MAGI1: variants seen among roughly 807,000 people sequenced by gnomAD.
MAGI1 encodes membrane associated guanylate kinase, WW and PDZ domain containing 1, also known as membrane-associated guanylate kinase, WW and PDZ domain-containing protein 1.
A neutral mutation model predicts 139.9 loss-of-function variants in MAGI1; 58 were observed. That is an observed-to-expected ratio of 0.41 (90% CI 0.34 to 0.52). The LOEUF (loss-of-function observed/expected upper bound fraction) is 0.52, where lower values mean the gene tolerates loss of function less well. MAGI1 is among the 20% of genes least tolerant of loss of function. The pLI, the probability that MAGI1 is intolerant of heterozygous loss-of-function variation, is 0.12. For synonymous variants in MAGI1, 812 were observed against 737.9 expected (o/e 1.10, Z -1.63); for missense variants, 1,874 against 1,901.6 (o/e 0.99, Z 0.27).
intron 1 of MAGI1, among the ~76,000 whole-genome samples, chr3:65,953,749 G>C (rs2063976659): frequency 6.6e-6 from 1 of 152,216 alleles, no homozygotes; most frequent in African/African-American, 2.4e-5. Flanking sequence ...AAACAGTGTA[G>C]CTTGCTGCCA....
At chr3:65,664,290 T>C (rs2086376293) in intron 1 of MAGI1, among the ~76,000 whole-genome samples, 1 of 152,196 alleles carries the variant, frequency 6.6e-6, no homozygotes, top group African/African-American at 2.4e-5. Flanking sequence ...GTAGACACTA[T>C]ACTCAGGTTT....
At chr3:65,406,819 C>A (rs995986830) in intron 12 of MAGI1, among the ~76,000 whole-genome samples, 1 of 147,958 alleles carries the variant, frequency 6.8e-6, no homozygotes, top group Admixed American at 6.8e-5. Flanking sequence ...ATATATATAT[C>A]GAGGGGGAGA....
chr3:65,401,374 C>CCCCAA, intron 13 of MAGI1, 65 bp downstream of exon 13: 1 of 985,890 alleles, frequency 1.0e-6, no homozygotes, highest in Non-Finnish European at 1.6e-6. Context: ...GAGTACCCTC[C>CCCCAA]CACCTCCAGC....
chr3:65,576,952 T>C (rs1347861396), intron 2 of MAGI1, among the ~76,000 whole-genome samples: 1 of 152,202 alleles, frequency 6.6e-6, no homozygotes. Flanking sequence ...TATATAACCC[T>C]AGTGCCTAGA....
chr3:65,836,169 G>A (rs2042793689), intron 1 of MAGI1, among the ~76,000 whole-genome samples: 1 of 152,172 alleles, frequency 6.6e-6, no homozygotes, highest in African/African-American at 2.4e-5. Context: ...CCATTCCCAA[G>A]TAAGGGGTAA....
Position 65,478,585 on chromosome 3 carries a change from C to A in MAGI1, c.757+7G>T. On this transcript the variant is annotated splice_region_variant and intron_variant, in intron 4 of 22. Coordinates refer to ENST00000402939, the MANE Select transcript of MAGI1 (RefSeq NM_001033057.2). ...GTCCATTGAGGGCAACATGATCTGA[C>A]CTTTACCTGTAAAGCTGCTGTTCAT... 6.2e-7 allele frequency: 1 copy of A among 1,613,364 alleles called. No homozygotes were observed. The highest frequency in any genetic ancestry group is 8.5e-7 in the Non-Finnish European group (1 of 1,179,512).
At chr3:65,589,650 T>G (rs1416296894) in intron 2 of MAGI1, among the ~76,000 whole-genome samples, 1 of 152,058 alleles carries the variant, frequency 6.6e-6, no homozygotes. Flanking sequence ...CTTTGGAGGC[T>G]GTGTAGTCTC....
chr3:65,964,787 T>C (rs909298376), intron 1 of MAGI1, among the ~76,000 whole-genome samples: 2 of 152,222 alleles, frequency 1.3e-5, no homozygotes, highest in African/African-American at 4.8e-5. Flanking sequence ...CTAGGTTCAC[T>C]TTCAGGGGAT....
intron 1 of MAGI1, among the ~76,000 whole-genome samples, chr3:65,841,460 T>G (rs2058804668): frequency 6.6e-6 from 1 of 151,854 alleles, no homozygotes; most frequent in Admixed American, 6.6e-5. Flanking sequence ...TTTGTTTTTT[T>G]TTTGAGATGC....
At chr3:65,477,844 C>T (rs927661829) in intron 4 of MAGI1, among the ~76,000 whole-genome samples, 8 of 151,430 alleles carry the variant, frequency 5.3e-5, no homozygotes, top group Admixed American at 2.6e-4. Flanking sequence ...GCAAATGGTA[C>T]CCCCTGGAGT....
chr3:65,971,081 T>G (rs1403335541), intron 1 of MAGI1, among the ~76,000 whole-genome samples: 1 of 152,146 alleles, frequency 6.6e-6, no homozygotes, highest in Non-Finnish European at 1.5e-5. Flanking sequence ...CGGGCGCCTG[T>G]AGTCCCAGCT....
chr3:65,813,178 C>T (rs1258736486), intron 1 of MAGI1, among the ~76,000 whole-genome samples: 2 of 152,052 alleles, frequency 1.3e-5, no homozygotes, highest in Non-Finnish European at 2.9e-5. Flanking sequence ...TGCACATATA[C>T]CTGAACTGAC....
intron 1 of MAGI1, among the ~76,000 whole-genome samples, chr3:65,720,715 C>T (rs984726914): frequency 3.3e-5 from 5 of 151,996 alleles, no homozygotes; most frequent in Non-Finnish European, 7.4e-5. Flanking sequence ...TCTGCCTGAG[C>T]CTGATATGCT....
intron 1 of MAGI1, among the ~76,000 whole-genome samples, chr3:65,950,863 T>C (rs562312531): frequency 6.6e-6 from 1 of 152,056 alleles, no homozygotes; most frequent in Admixed American, 6.6e-5. Flanking sequence ...AGGGCAGGGG[T>C]GTCCATTCTT....
intron 7 of MAGI1, among the ~76,000 whole-genome samples, chr3:65,444,339 G>A (rs1349676754): frequency 6.6e-6 from 1 of 151,978 alleles, no homozygotes; most frequent in East Asian, 1.9e-4. Flanking sequence ...AAATGAAAAT[G>A]AACCAGGAAA....
At chr3:65,449,479 T>A (rs183015042) in intron 6 of MAGI1, among the ~76,000 whole-genome samples, 21 of 152,240 alleles carry the variant, frequency 1.4e-4, no homozygotes, top group South Asian at 2.1e-4. Flanking sequence ...CATATCAAAA[T>A]GAACACAATC....
intron 1 of MAGI1, among the ~76,000 whole-genome samples, chr3:65,965,009 G>A (rs1474053047): frequency 1.1e-4 from 16 of 152,152 alleles, no homozygotes; most frequent in Non-Finnish European, 1.2e-4. Flanking sequence ...AAGCACATTC[G>A]CCAAAGCCCC....
At chr3:65,530,095 AG>A (rs1243246256) in intron 2 of MAGI1, among the ~76,000 whole-genome samples, 1 of 152,214 alleles carries the variant, frequency 6.6e-6, no homozygotes, top group East Asian at 1.9e-4. Flanking sequence ...GAATGAATGA[AG>A]CAATACCTTG....
chr3:65,638,485 G>C (rs1331463170), intron 1 of MAGI1, among the ~76,000 whole-genome samples: 1 of 148,950 alleles, frequency 6.7e-6, no homozygotes, highest in Non-Finnish European at 1.5e-5. Flanking sequence ...GCTTCTGTTT[G>C]TACTACACTG....
Sources: gnomAD v4.1 joint callset for allele counts (sites outside exome capture counted in the v4.1 genomes callset) on GRCh38, gnomAD v4.1.1 for gene constraint, MANE v1.5 for transcripts, NCBI Gene and HGNC (gene_info 2026-07-23, HGNC 2026-07-21) for gene names.